ANKRD31: variants seen among roughly 807,000 people sequenced by gnomAD.
The protein encoded by ANKRD31 is ankyrin repeat domain-containing protein 31.
ANKRD31 carries 147 observed loss-of-function variants against 186.0 expected under a neutral mutation model. The observed-to-expected ratio is 0.79, with a 90% CI of 0.69 to 0.91. ANKRD31 has a LOEUF of 0.91. ANKRD31 is among the 40% of genes least tolerant of loss of function. ANKRD31 has a pLI of 0.00. For missense variants in ANKRD31, 1,986 were observed against 2,148.8 expected, an observed-to-expected ratio of 0.92 and a Z score of 1.50; for synonymous variants, 673 against 736.4, an observed-to-expected ratio of 0.91 and a Z score of 1.39.
chr5:75,178,978 G>C (rs1458727111), intron 10 of ANKRD31, among the ~76,000 whole-genome samples: 5 of 152,144 alleles, frequency 3.3e-5, no homozygotes, highest in South Asian at 2.1e-4. Context: ...AAAATTGATA[G>C]ACCTCTGGCA....
At chr5:75,087,901 C>T (rs1336785563) in intron 23 of ANKRD31, among the ~76,000 whole-genome samples, 1 of 152,192 alleles carries the variant, frequency 6.6e-6, no homozygotes, top group African/African-American at 2.4e-5. Context: ...CCATTCCAGA[C>T]TCTTTTTTCA....
rs951788710 is a variant in ANKRD31 at position 75,105,106 on chromosome 5, T to C, written c.4453A>G (p.Lys1485Glu). The change falls in exon 22 of 26, where the codon AAA becomes GAA. Residue 1485 changes from lysine (K) to glutamate (E), a missense_variant. Transcript: ENST00000506364. The stretch of plus-strand genomic sequence containing the variant: ...GTAACATTCCTACAGTTTTGAATTT[T>C]CAGGCTTATTTTTTTCTGTTTTTTT... ...VAKKQKKISL[K>E]IQNCRNVTSL... 2 of 1,537,040 alleles carry C rather than the reference T, an allele frequency of 1.3e-6. No homozygotes were observed. Among genetic ancestry groups the C allele is most frequent in the African/African-American group, 2.7e-5 (2 of 73,044 alleles).
chr5:75,135,802 C>T (rs1369963150), intron 17 of ANKRD31, among the ~76,000 whole-genome samples: 3 of 152,180 alleles, frequency 2.0e-5, no homozygotes, highest in South Asian at 2.1e-4. Flanking sequence ...CAGCATGGTA[C>T]TGGCACCAAA....
At chr5:75,083,023 G>A (rs1289509787) in intron 24 of ANKRD31, among the ~76,000 whole-genome samples, 27 of 152,104 alleles carry the variant, frequency 1.8e-4, no homozygotes, top group Admixed American at 1.8e-3. Flanking sequence ...GGGACCAGAA[G>A]TATTTTGGAT....
chr5:75,202,400 T>C (rs539237876), intron 5 of ANKRD31, among the ~76,000 whole-genome samples: 1 of 152,352 alleles, frequency 6.6e-6, no homozygotes, highest in South Asian at 2.1e-4. Context: ...TTTTTACAAA[T>C]ACATAAAGAA....
At chr5:75,068,737 C>G in intron 25 of ANKRD31, 73 bp from the exon 26 acceptor site, 1 of 1,395,894 alleles carries the variant, frequency 7.2e-7, no homozygotes, top group Non-Finnish European at 9.3e-7. Context: ...TATTACAAAT[C>G]CTAGAATCCA....
chr5:75,233,013 C>T (rs570233018), intron 1 of ANKRD31, among the ~76,000 whole-genome samples: 1 of 152,014 alleles, frequency 6.6e-6, no homozygotes, highest in Non-Finnish European at 1.5e-5. Flanking sequence ...CTTTGTTTAA[C>T]CCAATACAAA....
chr5:75,082,083 T>C (rs1199502618), intron 24 of ANKRD31, among the ~76,000 whole-genome samples: 2 of 152,238 alleles, frequency 1.3e-5, no homozygotes, highest in African/African-American at 4.8e-5. Flanking sequence ...CCTGTTTTAA[T>C]GTTACCAGTT....
intron 2 of ANKRD31, among the ~76,000 whole-genome samples, chr5:75,223,778 G>A (rs1469193235): frequency 6.6e-6 from 1 of 152,072 alleles, no homozygotes; most frequent in African/African-American, 2.4e-5. Context: ...TCTTTGGGAG[G>A]TAGTTGGGTT....
At position 75,091,299 on chromosome 5, in the gene ANKRD31, C is replaced by A; in HGVS notation, c.5434G>T (p.Gly1812Cys). The change falls in exon 23 of 26, where the codon GGC (glycine) becomes TGC (cysteine). Residue 1812 changes from glycine (G) to cysteine (C), a missense_variant. Gly to Cys is a radical substitution (Grantham distance 159, BLOSUM62 -3). Coordinates refer to ENST00000506364, the MANE Select transcript of ANKRD31 (RefSeq NM_001372053.1). ...TAATTCCAGGTCACATAACTGTTGC[C>A]TCCCAGAAGATCCTTGAGCCAGGTG... The part of the protein sequence containing the change: ...PVTWLKDLLG[G>C]NSYVTWNYAW... 6.5e-7 allele frequency: 1 copy of A among 1,537,110 alleles called. No individual in the cohort carries two copies. Among genetic ancestry groups the A allele is most frequent in the South Asian group, 1.2e-5 (1 of 84,034 alleles).
intron 25 of ANKRD31, among the ~76,000 whole-genome samples, chr5:75,079,921 G>A (rs1744954427): frequency 6.6e-6 from 1 of 151,840 alleles, no homozygotes; most frequent in African/African-American, 2.4e-5. Context: ...TGGGCAACAT[G>A]GTGAAACTCC....
At chr5:75,116,044 T>G (rs1003124586) in intron 19 of ANKRD31, among the ~76,000 whole-genome samples, 2 of 150,694 alleles carry the variant, frequency 1.3e-5, no homozygotes, top group African/African-American at 2.4e-5. Context: ...ATTAAGAAAA[T>G]GTGGCACATA....
intron 25 of ANKRD31, among the ~76,000 whole-genome samples, chr5:75,072,251 T>C (rs138104735): frequency 7.6e-4 from 116 of 152,332 alleles, no homozygotes; most frequent in African/African-American, 2.6e-3. Context: ...TCTTTGCAGC[T>C]AGGTGTGGCA....
At chr5:75,229,758 G>A (rs1285006972) in intron 2 of ANKRD31, among the ~76,000 whole-genome samples, 2 of 150,774 alleles carry the variant, frequency 1.3e-5, no homozygotes, top group African/African-American at 2.4e-5. Flanking sequence ...CCAGCTACTC[G>A]CGAGGCTGAG....
intron 12 of ANKRD31, among the ~76,000 whole-genome samples, chr5:75,153,595 GC>G (rs1277625685): frequency 6.6e-6 from 1 of 152,058 alleles, no homozygotes; most frequent in Non-Finnish European, 1.5e-5. Context: ...GAACTTCTAG[GC>G]TATTGTAAGG....
At chr5:75,121,802 C>A (rs1748812091) in intron 17 of ANKRD31, among the ~76,000 whole-genome samples, 1 of 151,900 alleles carries the variant, frequency 6.6e-6, no homozygotes, top group Admixed American at 6.6e-5. Flanking sequence ...TGGGATACAG[C>A]CAAAGCAGCG....
intron 17 of ANKRD31, among the ~76,000 whole-genome samples, chr5:75,134,148 A>G (rs61804395): frequency 1.3e-5 from 2 of 152,156 alleles, no homozygotes; most frequent in South Asian, 4.1e-4. Context: ...AGCAGAAGAC[A>G]AGAAATAACT....
intron 1 of ANKRD31, among the ~76,000 whole-genome samples, chr5:75,231,275 T>G (rs1757938611): frequency 6.6e-6 from 1 of 151,884 alleles, no homozygotes; most frequent in Non-Finnish European, 1.5e-5. Flanking sequence ...GCCAGGGTCT[T>G]ATCACTTTGC....
Position 75,146,909 on chromosome 5 carries a change from A to G in ANKRD31, c.2502T>C (p.Ala834=). The G allele has an allele frequency of 5.9e-6, 9 of 1,536,434 alleles. No homozygotes were observed. Among genetic ancestry groups the G allele is most frequent in the Non-Finnish European group, 7.9e-6 (9 of 1,146,354 alleles). The change falls in exon 14 of 26, where the codon GCT becomes GCC. Residue 834 remains alanine (A), a synonymous_variant. Transcript: ENST00000506364. ...GTAATAAAAGCCCTGGGAAAGAAAC[A>G]GCTTCAGTTTGGTCAACAGATTCTA... is the stretch of plus-strand genomic sequence containing the variant. ...LELESVDQTE[A]VSFPGLLLHK...
Sources: gnomAD v4.1 joint callset for allele counts (sites outside exome capture counted in the v4.1 genomes callset) on GRCh38, gnomAD v4.1.1 for gene constraint, MANE v1.5 for transcripts, NCBI Gene and HGNC (gene_info 2026-07-23, HGNC 2026-07-21) for gene names.